The following DIS3L2 variants were observed in gnomAD, a reference collection of about 807,000 sequenced individuals.
The protein encoded by DIS3L2 is DIS3 like 3'-5' exoribonuclease 2, also known as DIS3-like exonuclease 2.
Under a neutral mutation model 97.5 loss-of-function variants are expected in DIS3L2, and 34 were observed. The observed-to-expected ratio is 0.35, with a 90% CI of 0.27 to 0.46. The LOEUF is 0.46. Among genes scored for constraint, DIS3L2 ranks in the 20% least tolerant of loss-of-function variants. DIS3L2 has a pLI of 1.00. For missense variants in DIS3L2, 1,038 were observed against 1,146.0 expected, an observed-to-expected ratio of 0.91 and a Z score of 1.36; for synonymous variants, 435 against 445.2, an observed-to-expected ratio of 0.98 and a Z score of 0.29.
At chr2:232,014,014 G>A (rs1694283828) in intron 1 of DIS3L2, among the ~76,000 whole-genome samples, 1 of 152,192 alleles carries the variant, frequency 6.6e-6, no homozygotes, top group African/African-American at 2.4e-5. Context: ...CATTTTGTGG[G>A]AACTCAGGCT....
intron 8 of DIS3L2, among the ~76,000 whole-genome samples, chr2:232,158,925 G>A (rs1224046183): frequency 6.6e-6 from 1 of 152,078 alleles, no homozygotes; most frequent in Non-Finnish European, 1.5e-5. Context: ...ATTGTTATAA[G>A]TATTCGTCTT....
chr2:232,015,105 T>C, intron 2 of DIS3L2, 126 bp downstream of exon 2: 1 of 875,172 alleles, frequency 1.1e-6, no homozygotes, highest in Non-Finnish European at 1.7e-6. Context: ...ACCTGTTAAG[T>C]ATTCTGTGTG....
At chr2:232,213,279 C>T (rs889060188) in intron 10 of DIS3L2, among the ~76,000 whole-genome samples, 1 of 152,086 alleles carries the variant, frequency 6.6e-6, no homozygotes, top group Non-Finnish European at 1.5e-5. Flanking sequence ...AATCACAGGC[C>T]GCTCAGTAGC....
At chr2:232,113,764 A>G (rs1365203338) in intron 6 of DIS3L2, among the ~76,000 whole-genome samples, 1 of 152,220 alleles carries the variant, frequency 6.6e-6, no homozygotes, top group African/African-American at 2.4e-5. Flanking sequence ...CTTAGTTTAC[A>G]GTTTAAAACA....
At chr2:232,231,115 ATTTG>A (rs58654828) in intron 10 of DIS3L2, among the ~76,000 whole-genome samples, 1,787 of 152,040 alleles carry the variant, frequency 0.012, 17 homozygotes, top group Non-Finnish European at 0.017. Flanking sequence ...TAATCTTGTC[ATTTG>A]TTTGTTTGCT....
intron 4 of DIS3L2, among the ~76,000 whole-genome samples, chr2:232,025,378 T>C (rs141010231): frequency 1.3e-5 from 2 of 152,326 alleles, no homozygotes; most frequent in East Asian, 1.9e-4. Context: ...TCAAGTGATA[T>C]TATTGTTATT....
chr2:232,275,307 T>A (rs1264727227), intron 13 of DIS3L2, among the ~76,000 whole-genome samples: 1 of 152,234 alleles, frequency 6.6e-6, no homozygotes, highest in East Asian at 1.9e-4. Flanking sequence ...TGACTATAAC[T>A]GTTAAGAAGG....
At chr2:232,248,614 A>T (rs1340329784) in intron 11 of DIS3L2, among the ~76,000 whole-genome samples, 2 of 152,244 alleles carry the variant, frequency 1.3e-5, no homozygotes, top group East Asian at 3.8e-4. Flanking sequence ...GAACAGAAAG[A>T]TCAATAAGGA....
At chr2:232,164,310 TAAC>T (rs747055413) in intron 9 of DIS3L2, among the ~76,000 whole-genome samples, 6 of 152,232 alleles carry the variant, frequency 3.9e-5, no homozygotes, top group Non-Finnish European at 8.8e-5. Context: ...GGTATTTTTA[TAAC>T]AACATCTTCT....
chr2:232,141,597 G>T (rs1442156232), intron 8 of DIS3L2, among the ~76,000 whole-genome samples: 1 of 152,110 alleles, frequency 6.6e-6, no homozygotes, highest in Non-Finnish European at 1.5e-5. Flanking sequence ...TCACAGTGCT[G>T]CTGGCTTTAA....
chr2:231,965,589 A>C (rs916261611), intron 1 of DIS3L2, among the ~76,000 whole-genome samples: 1 of 152,042 alleles, frequency 6.6e-6, no homozygotes, highest in Non-Finnish European at 1.5e-5. Flanking sequence ...CTTAGTGTTC[A>C]TTTATTCACT....
At chr2:232,039,544 T>C (rs1472724143) in intron 5 of DIS3L2, among the ~76,000 whole-genome samples, 1 of 152,256 alleles carries the variant, frequency 6.6e-6, no homozygotes, top group South Asian at 2.1e-4. Context: ...CAGCATGATT[T>C]TTGGCAAAAT....
At chr2:232,338,193 C>A (rs1404266471), downstream of DIS3L2, among the ~76,000 whole-genome samples, 1 of 152,074 alleles carries the variant, frequency 6.6e-6, no homozygotes, top group Non-Finnish European at 1.5e-5. Context: ...TGCTGCCCAC[C>A]CTCTGAGGAG....
At chr2:232,219,448 G>C (rs1374349794) in intron 10 of DIS3L2, among the ~76,000 whole-genome samples, 1 of 151,998 alleles carries the variant, frequency 6.6e-6, no homozygotes, top group Non-Finnish European at 1.5e-5. Context: ...ATGTACTTCT[G>C]TCCTTGTTTT....
intron 13 of DIS3L2, among the ~76,000 whole-genome samples, chr2:232,270,895 TCTCTCTCTCTC>T (rs1328900810): frequency 2.0e-5 from 3 of 148,190 alleles, no homozygotes; most frequent in African/African-American, 7.7e-5. Flanking sequence ...TCTCTCTCTC[TCTCTCTCTCTC>T]TCTCTCTCTG....
intron 11 of DIS3L2, among the ~76,000 whole-genome samples, chr2:232,248,793 C>A (rs547127705): frequency 1.6e-4 from 24 of 152,310 alleles, no homozygotes; most frequent in South Asian, 1.0e-3. Flanking sequence ...ACGGTATATT[C>A]AGTTACTAAA....
chr2:232,026,245 T>C (rs1255008875), intron 4 of DIS3L2, among the ~76,000 whole-genome samples: 1 of 152,098 alleles, frequency 6.6e-6, no homozygotes, highest in Non-Finnish European at 1.5e-5. Flanking sequence ...AAGTAAAATA[T>C]ATTATTCTAT....
At chr2:232,203,358 TA>T (rs1691947961) in intron 9 of DIS3L2, among the ~76,000 whole-genome samples, 1 of 152,158 alleles carries the variant, frequency 6.6e-6, no homozygotes, top group African/African-American at 2.4e-5. Flanking sequence ...CCACAGTTTG[TA>T]AAACACTGTT....
At chr2:232,218,087 G>A (rs952000774) in intron 10 of DIS3L2, among the ~76,000 whole-genome samples, 1 of 152,200 alleles carries the variant, frequency 6.6e-6, no homozygotes, top group African/African-American at 2.4e-5. Flanking sequence ...AATGGGAAGA[G>A]GGGAAGATTA....
Sources: allele counts gnomAD v4.1 joint callset (sites outside exome capture counted in the v4.1 genomes callset), GRCh38; gene constraint gnomAD v4.1.1; transcripts MANE v1.5; gene names NCBI Gene and HGNC (gene_info 2026-07-23, HGNC 2026-07-21).